FRMD4A: variants seen among roughly 807,000 people sequenced by gnomAD.
The protein encoded by FRMD4A is FERM domain containing 4A.
FRMD4A carries 29 observed loss-of-function variants against 129.1 expected under a neutral mutation model. The observed-to-expected ratio is 0.22, with a 90% confidence interval of 0.17 to 0.31. FRMD4A has a LOEUF of 0.31. Ranked by LOEUF, FRMD4A falls within the 10% of genes least tolerant of loss-of-function variation. The pLI is 1.00. For synonymous variants in FRMD4A, 634 were observed against 571.6 expected (o/e 1.11, Z -1.56); for missense variants, 1,272 against 1,375.8 (o/e 0.92, Z 1.19).
intron 2 of FRMD4A, among the ~76,000 whole-genome samples, chr10:13,940,213 C>T (rs544759667): frequency 5.9e-5 from 9 of 152,132 alleles, no homozygotes; most frequent in South Asian, 4.2e-4. Context: ...CTCAGAGCAG[C>T]GTCAACTGAG....
At chr10:14,172,432 A>G (rs542412443) in intron 2 of FRMD4A, among the ~76,000 whole-genome samples, 1 of 152,298 alleles carries the variant, frequency 6.6e-6, no homozygotes, top group South Asian at 2.1e-4. Flanking sequence ...CGACTATAGC[A>G]TGCCATTTTA....
chr10:14,319,309 T>C (rs1037659242), intron 2 of FRMD4A, among the ~76,000 whole-genome samples: 2 of 149,056 alleles, frequency 1.3e-5, no homozygotes, highest in African/African-American at 2.5e-5. Flanking sequence ...AAGTGTGGGA[T>C]AGTTTGTTTT....
Position 14,330,188 on chromosome 10 carries a change from A to G in FRMD4A, c.-81-5T>C. 5.7e-6 allele frequency: 8 copies of G among 1,398,018 alleles called. No homozygotes were observed. The South Asian group carries it at 8.6e-5, about 15-fold the overall frequency. 86.6% of individuals were successfully genotyped at this position (1,398,018 alleles called of 1,614,324 possible). ...CTACAGAGCATCCAAAAGCACCTGC[A>G]GAAAAAGCAGCCAAAATCCAGACTT... is the stretch of plus-strand genomic sequence containing the variant. On this transcript the variant is annotated splice_region_variant and splice_polypyrimidine_tract_variant and intron_variant, in intron 1 of 24. Coordinates refer to ENST00000357447, the MANE Select transcript of FRMD4A (RefSeq NM_018027.5).
chr10:14,257,105 T>C (rs868656020), intron 2 of FRMD4A, among the ~76,000 whole-genome samples: 3 of 151,926 alleles, frequency 2.0e-5, no homozygotes, highest in South Asian at 4.2e-4. Context: ...AAGGATGGGA[T>C]GGATCACTTG....
At chr10:14,314,047 A>T (rs1319328362) in intron 2 of FRMD4A, among the ~76,000 whole-genome samples, 3 of 152,224 alleles carry the variant, frequency 2.0e-5, no homozygotes, top group Non-Finnish European at 4.4e-5. Context: ...GTTTAAGAAC[A>T]TATGGGAAAA....
chr10:14,203,346 T>G (rs961355837), intron 2 of FRMD4A, among the ~76,000 whole-genome samples: 1 of 152,158 alleles, frequency 6.6e-6, no homozygotes, highest in African/African-American at 2.4e-5. Context: ...TCTCCTAGAG[T>G]GAGCCAAATT....
intron 2 of FRMD4A, among the ~76,000 whole-genome samples, chr10:14,111,334 T>A (rs1211063304): frequency 6.6e-6 from 1 of 152,174 alleles, no homozygotes; most frequent in East Asian, 1.9e-4. Flanking sequence ...CTTTTTAAAA[T>A]CATGAGTCTG....
intron 2 of FRMD4A, among the ~76,000 whole-genome samples, chr10:14,049,902 G>A (rs895435511): frequency 4.6e-5 from 7 of 152,106 alleles, no homozygotes; most frequent in African/African-American, 1.2e-4. Flanking sequence ...GCTTTTACGC[G>A]TTGACTGTCT....
At chr10:13,705,714 G>C (rs1437780136) in intron 13 of FRMD4A, among the ~76,000 whole-genome samples, 1 of 152,140 alleles carries the variant, frequency 6.6e-6, no homozygotes. Flanking sequence ...GTGCTCCATG[G>C]AGTGGGGCTT....
chr10:13,918,424 CATTTATTT>C lies in FRMD4A; in HGVS notation c.46-59520_46-59513del, dbSNP rs35115927. ...TTCAAAGCAGGATGTTAGAGTGGTT[CATTTATTT>C]ATTTATTTATTTATTCATTCCCTTA... On this transcript the variant is annotated intron_variant, in intron 2 of 24. Transcript: ENST00000357447. 4.9e-3 allele frequency among the ~76,000 whole-genome samples: 739 copies of C among 152,058 alleles called. 5 individuals are homozygous for C. The highest frequency in any genetic ancestry group is 6.3e-3 in the Non-Finnish European group (430 of 67,980).
At chr10:14,122,403 G>T (rs541863336) in intron 2 of FRMD4A, among the ~76,000 whole-genome samples, 20 of 151,942 alleles carry the variant, frequency 1.3e-4, no homozygotes, top group Admixed American at 5.9e-4. Context: ...GTCTAGTCTC[G>T]CATTGCTATA....
intron 4 of FRMD4A, among the ~76,000 whole-genome samples, chr10:13,797,762 G>C (rs2093152832): frequency 6.6e-6 from 1 of 152,186 alleles, no homozygotes; most frequent in Admixed American, 6.5e-5. Flanking sequence ...GTGCAAGACT[G>C]TGGATAATGA....
At chr10:14,278,836 G>A (rs1249144631) in intron 2 of FRMD4A, among the ~76,000 whole-genome samples, 1 of 152,196 alleles carries the variant, frequency 6.6e-6, no homozygotes, top group Non-Finnish European at 1.5e-5. Flanking sequence ...AGGAGAATGA[G>A]AGAGCAATCT....
chr10:13,962,787 C>T (rs935988205), intron 2 of FRMD4A, among the ~76,000 whole-genome samples: 7 of 152,100 alleles, frequency 4.6e-5, no homozygotes, highest in East Asian at 1.9e-4. Context: ...TAGCATATGG[C>T]GGGAGAGACA....
At chr10:14,249,933 G>A (rs1030065110) in intron 2 of FRMD4A, among the ~76,000 whole-genome samples, 1 of 152,174 alleles carries the variant, frequency 6.6e-6, no homozygotes, top group African/African-American at 2.4e-5. Flanking sequence ...TCAGGTGATG[G>A]AACTAAATAA....
At chr10:14,327,072 T>G in intron 2 of FRMD4A, 1 of 397,892 alleles carries the variant, frequency 2.5e-6, no homozygotes, top group Non-Finnish European at 4.4e-6. Context: ...CAGGCATGCT[T>G]ACCACCTGGG....
chr10:13,650,811 G>T (rs1182113730), intron 24 of FRMD4A, among the ~76,000 whole-genome samples: 2 of 152,102 alleles, frequency 1.3e-5, no homozygotes, highest in African/African-American at 4.8e-5. Flanking sequence ...TTTTGCACTT[G>T]GGATGGTCTC....
intron 15 of FRMD4A, among the ~76,000 whole-genome samples, chr10:13,688,363 G>C (rs1246591733): frequency 6.6e-6 from 1 of 151,986 alleles, no homozygotes; most frequent in African/African-American, 2.4e-5. Flanking sequence ...ATGGACACAG[G>C]AAGGGGAACA....
At chr10:14,185,784 A>G (rs953249304) in intron 2 of FRMD4A, among the ~76,000 whole-genome samples, 17 of 152,216 alleles carry the variant, frequency 1.1e-4, no homozygotes, top group Non-Finnish European at 2.9e-5. Flanking sequence ...AGATACGTAC[A>G]ATCCAGACTA....
Sources: gnomAD v4.1 joint callset for allele counts (sites outside exome capture counted in the v4.1 genomes callset) on GRCh38, gnomAD v4.1.1 for gene constraint, MANE v1.5 for transcripts, NCBI Gene and HGNC (gene_info 2026-07-23, HGNC 2026-07-21) for gene names.